HAT1: variants seen among roughly 807,000 people sequenced by gnomAD.
HAT1 encodes histone acetyltransferase 1.
HAT1 carries 20 observed loss-of-function variants against 56.6 expected under a neutral mutation model. The ratio of observed to expected loss-of-function variants is 0.35; its 90% confidence interval spans 0.25 to 0.51. HAT1 has a LOEUF of 0.51. Ranked by LOEUF, HAT1 falls within the 20% of genes least tolerant of loss-of-function variation. The pLI, the probability that HAT1 is intolerant of heterozygous loss-of-function variation, is 0.95. For synonymous variants in HAT1, 146 were observed against 165.5 expected, an observed-to-expected ratio of 0.88 and a Z score of 0.91; for missense variants, 408 against 504.3, an observed-to-expected ratio of 0.81 and a Z score of 1.83.
intron 6 of HAT1, chr2:171,966,125 C>G: frequency 1.7e-6 from 1 of 592,588 alleles, no homozygotes; most frequent in East Asian, 2.8e-5. Flanking sequence ...TGAATGTAGG[C>G]TTAAACAGTA....
Position 171,983,182 on chromosome 2 carries a change from T to A in HAT1, c.1093-3T>A. 1 of 1,524,804 alleles carries A rather than the reference T, an allele frequency of 6.6e-7. No individual in the cohort carries two copies. Among genetic ancestry groups the A allele is most frequent in the Non-Finnish European group, 8.9e-7 (1 of 1,129,366 alleles). 94.5% of individuals were successfully genotyped at this position (1,524,804 alleles called of 1,614,324 possible). On this transcript the variant is annotated splice_polypyrimidine_tract_variant and splice_region_variant and intron_variant, in intron 10 of 10. Coordinates refer to ENST00000264108, the MANE Select transcript of HAT1 (RefSeq NM_003642.4). Reference sequence around the variant, plus strand: ...GTCTAACAAATAATTGTTTGTCACTTAGAAAAAGCAGAGAGATCTTGCTAA... The same window carrying A: ...GTCTAACAAATAATTGTTTGTCACTAAGAAAAAGCAGAGAGATCTTGCTAA...
intron 4 of HAT1, among the ~76,000 whole-genome samples, chr2:171,961,945 T>G (rs56133507): frequency 0.14 from 21,125 of 151,544 alleles, 1,812 homozygotes; most frequent in South Asian, 0.2. Flanking sequence ...GTTAAGTCTA[T>G]GTACCACTTT....
chr2:171,952,330 A>G (rs537641873), intron 3 of HAT1, among the ~76,000 whole-genome samples: 5 of 152,342 alleles, frequency 3.3e-5, no homozygotes, highest in Non-Finnish European at 5.9e-5. Context: ...TAAGGCATAA[A>G]TGTGATAGCA....
intron 2 of HAT1, among the ~76,000 whole-genome samples, chr2:171,940,150 A>G (rs1248767451): frequency 1.3e-5 from 2 of 152,190 alleles, no homozygotes; most frequent in Non-Finnish European, 2.9e-5. Context: ...ATATACCAAC[A>G]CAAAATGACC....
rs374402453 is a variant in HAT1, at chr2:171,938,024, T to TTCTCTCTCTCTCTCTC, written c.113-8648_113-8633dup. Reference sequence around the variant, plus strand: ...ATCTATCTATCTGTCTGTCTACTGATTCTCTCTCTCTCTCTCTCTCTCTCT... The same window carrying TTCTCTCTCTCTCTCTC: ...ATCTATCTATCTGTCTGTCTACTGATTCTCTCTCTCTCTCTCTCTCTCTCTCTCTCTCTCTCTCTCT... On this transcript the variant is annotated intron_variant, in intron 2 of 10. Coordinates refer to ENST00000264108, the MANE Select transcript of HAT1 (RefSeq NM_003642.4). Among the ~76,000 whole-genome samples, 379 of 104,810 alleles carry TTCTCTCTCTCTCTCTC rather than the reference T, an allele frequency of 3.6e-3. 6 individuals carry two copies. Among genetic ancestry groups the TTCTCTCTCTCTCTCTC allele is most frequent in the East Asian group, 8.3e-3 (24 of 2,888 alleles). The allele number at this position is 104,810 out of a possible 152,430, so 68.8% of individuals were successfully genotyped here.
intron 8 of HAT1, among the ~76,000 whole-genome samples, chr2:171,968,085 TCA>T (rs1015178300): frequency 2.6e-5 from 4 of 152,116 alleles, no homozygotes; most frequent in African/African-American, 9.7e-5. Flanking sequence ...AAAGGGAGTT[TCA>T]CATTTATAGA....
rs1380766526 is a variant in HAT1, at chr2:171,963,297, C to T, written c.310-2041C>T. On this transcript the variant is annotated intron_variant, in intron 4 of 10. Transcript: ENST00000264108. Reference sequence around the variant, plus strand: ...CCCGTAAAAATTCTTAATGTGTAAACTTACACAAAGCAAACTATTTTATTT... The same window carrying T: ...CCCGTAAAAATTCTTAATGTGTAAATTTACACAAAGCAAACTATTTTATTT... 4.6e-5 allele frequency among the ~76,000 whole-genome samples: 7 copies of T among 151,596 alleles called. No homozygotes were observed. In the East Asian group the frequency reaches 1.2e-3, roughly 25 times the overall value.
intron 2 of HAT1, among the ~76,000 whole-genome samples, chr2:171,940,994 G>A (rs142438161): frequency 3.3e-4 from 50 of 152,286 alleles, no homozygotes; most frequent in African/African-American, 9.9e-4. Context: ...CAAGTGTACA[G>A]TGTGAGAAAG....
intron 2 of HAT1, among the ~76,000 whole-genome samples, chr2:171,932,924 A>G (rs1408759426): frequency 1.3e-5 from 2 of 152,096 alleles, no homozygotes; most frequent in South Asian, 2.1e-4. Flanking sequence ...GGTATTGGTA[A>G]TTCTTTTTCT....
chr2:171,926,251 A>G (rs1574030477), intron 2 of HAT1, among the ~76,000 whole-genome samples: 1 of 152,014 alleles, frequency 6.6e-6, no homozygotes, highest in African/African-American at 2.4e-5. Context: ...CCAGGTAGCT[A>G]GGAGACCACA....
intron 2 of HAT1, among the ~76,000 whole-genome samples, chr2:171,941,833 C>T (rs1687026551): frequency 6.6e-6 from 1 of 152,196 alleles, no homozygotes; most frequent in Admixed American, 6.6e-5. Context: ...TCCTATAGAG[C>T]AATAAGGTGC....
At chr2:171,952,625 T>C (rs1007910857) in intron 3 of HAT1, among the ~76,000 whole-genome samples, 1 of 152,250 alleles carries the variant, frequency 6.6e-6, no homozygotes, top group African/African-American at 2.4e-5. Context: ...TGAGTACTTA[T>C]ACAATGTGCC....
chr2:171,954,522 C>A (rs927631176), intron 4 of HAT1, among the ~76,000 whole-genome samples: 1 of 152,104 alleles, frequency 6.6e-6, no homozygotes, highest in African/African-American at 2.4e-5. Context: ...CCCGTCTCTA[C>A]TAAAAATACA....
intron 2 of HAT1, among the ~76,000 whole-genome samples, chr2:171,942,237 G>A (rs959705565): frequency 1.3e-5 from 2 of 152,014 alleles, no homozygotes; most frequent in Admixed American, 6.5e-5. Context: ...ATTTTGAATT[G>A]TTTCAGTTTT....
intron 2 of HAT1, among the ~76,000 whole-genome samples, chr2:171,935,710 C>T (rs1185225107): frequency 6.6e-6 from 1 of 151,456 alleles, no homozygotes; most frequent in Admixed American, 6.6e-5. Flanking sequence ...GACCCCATTT[C>T]TACAAAAAAT....
chr2:171,976,579 A>G (rs1687971673), intron 9 of HAT1, among the ~76,000 whole-genome samples: 1 of 152,234 alleles, frequency 6.6e-6, no homozygotes, highest in Non-Finnish European at 1.5e-5. Context: ...TAAGCATAAC[A>G]AGCAGAGGAA....
chr2:171,956,303 C>T (rs1015744102), intron 4 of HAT1, among the ~76,000 whole-genome samples: 10 of 149,532 alleles, frequency 6.7e-5, no homozygotes, highest in South Asian at 4.3e-4. Flanking sequence ...GGCAGTATGG[C>T]GAAAACCCAT....
chr2:171,966,471 A>G lies in HAT1; in HGVS notation c.674A>G (p.Tyr225Cys). The change falls in exon 7 of 11, where the codon TAT becomes TGT. Residue 225 changes from tyrosine (Y) to cysteine (C), a missense_variant. Transcript: ENST00000264108. ...GCGACCGTAGGCTACATGACAGTCT[A>G]TAATTACTATGTGTACCCAGACAAA... ...LFATVGYMTV[Y>C]NYYVYPDKTR... The G allele has an allele frequency of 1.3e-6, 2 of 1,598,076 alleles. No homozygotes were observed. The highest frequency in any genetic ancestry group is 8.6e-7 in the Non-Finnish European group (1 of 1,165,326).
chr2:171,934,184 A>G (rs1487306610), intron 2 of HAT1, among the ~76,000 whole-genome samples: 1 of 152,178 alleles, frequency 6.6e-6, no homozygotes, highest in Non-Finnish European at 1.5e-5. Context: ...TTTGTTAGCT[A>G]TTAATATAGA....
Sources: gnomAD v4.1 joint callset for allele counts (sites outside exome capture counted in the v4.1 genomes callset) on GRCh38, gnomAD v4.1.1 for gene constraint, MANE v1.5 for transcripts, NCBI Gene and HGNC (gene_info 2026-07-23, HGNC 2026-07-21) for gene names.